ADAMTSL1: variants seen among roughly 807,000 people sequenced by gnomAD.
ADAMTSL1 encodes ADAMTS like 1.
ADAMTSL1 carries 126 observed loss-of-function variants against 201.8 expected under a neutral mutation model. The observed-to-expected ratio is 0.62, with a 90% CI of 0.54 to 0.72. The LOEUF is 0.72. ADAMTSL1 is among the 30% of genes least tolerant of loss of function. The pLI, the probability that ADAMTSL1 is intolerant of heterozygous loss-of-function variation, is 0.00. For synonymous variants in ADAMTSL1, 1,121 were observed against 903.4 expected, an observed-to-expected ratio of 1.24 and a Z score of -4.32; for missense variants, 2,679 against 2,277.8, an observed-to-expected ratio of 1.18 and a Z score of -3.59.
intron 10 of ADAMTSL1, among the ~76,000 whole-genome samples, chr9:18,676,898 C>T (rs1265882548): frequency 2.6e-5 from 4 of 152,058 alleles, no homozygotes; most frequent in African/African-American, 7.2e-5. Context: ...GGTCCCTTGA[C>T]GTCATCTAGT....
At chr9:18,515,056 T>C (rs1449708480) in intron 2 of ADAMTSL1, among the ~76,000 whole-genome samples, 1 of 152,194 alleles carries the variant, frequency 6.6e-6, no homozygotes, top group Non-Finnish European at 1.5e-5. Flanking sequence ...CCTTCTGTTA[T>C]GGAAGTAGTT....
chr9:18,019,587 C>A (rs982326359), intron 1 of ADAMTSL1, among the ~76,000 whole-genome samples: 7 of 152,066 alleles, frequency 4.6e-5, no homozygotes, highest in Admixed American at 3.9e-4. Flanking sequence ...TCAGCCATCT[C>A]AGCAGGAGCC....
intron 1 of ADAMTSL1, among the ~76,000 whole-genome samples, chr9:18,160,099 A>T (rs1014381365): frequency 6.6e-6 from 1 of 151,948 alleles, no homozygotes; most frequent in African/African-American, 2.4e-5. Context: ...GACTTCCTGG[A>T]TCTAATACAA....
intron 1 of ADAMTSL1, among the ~76,000 whole-genome samples, chr9:18,488,271 C>G (rs1295109775): frequency 6.6e-6 from 1 of 152,138 alleles, no homozygotes; most frequent in Non-Finnish European, 1.5e-5. Flanking sequence ...AACCCTCTGC[C>G]CAGGACCTCC....
At chr9:18,652,814 G>A (rs183716427) in intron 7 of ADAMTSL1, among the ~76,000 whole-genome samples, 67 of 152,222 alleles carry the variant, frequency 4.4e-4, no homozygotes, top group African/African-American at 1.4e-3. Flanking sequence ...TCCTTTATCC[G>A]CTGGAGGCTG....
chr9:18,636,063 A>C (rs555633792), intron 6 of ADAMTSL1, 46 bp downstream of exon 6: 3 of 1,427,128 alleles, frequency 2.1e-6, no homozygotes, highest in Non-Finnish European at 2.9e-6. Context: ...AATTGTAGTC[A>C]TTATTATTTA....
intron 23 of ADAMTSL1, among the ~76,000 whole-genome samples, chr9:18,882,374 G>T (rs550963907): frequency 3.3e-5 from 5 of 152,186 alleles, no homozygotes; most frequent in South Asian, 4.2e-4. Context: ...AGGGAGACAC[G>T]CATTTGCCTA....
intron 15 of ADAMTSL1, among the ~76,000 whole-genome samples, chr9:18,744,012 T>C (rs1482828290): frequency 6.6e-6 from 1 of 152,206 alleles, no homozygotes; most frequent in Non-Finnish European, 1.5e-5. Flanking sequence ...ATCCCAACTT[T>C]GGGAAAATCA....
chr9:18,580,510 T>G (rs1169865035), intron 4 of ADAMTSL1, among the ~76,000 whole-genome samples: 2 of 152,172 alleles, frequency 1.3e-5, no homozygotes, highest in African/African-American at 4.8e-5. Flanking sequence ...CTTAAAATAT[T>G]TAATGCATAG....
chr9:18,268,870 T>G (rs1289148065), intron 2 of ADAMTSL1, among the ~76,000 whole-genome samples: 1 of 152,182 alleles, frequency 6.6e-6, no homozygotes, highest in Non-Finnish European at 1.5e-5. Context: ...TTTCTCCTGT[T>G]GTATATAAAA....
intron 2 of ADAMTSL1, among the ~76,000 whole-genome samples, chr9:18,415,627 A>G (rs931837329): frequency 6.6e-6 from 1 of 151,998 alleles, no homozygotes; most frequent in Non-Finnish European, 1.5e-5. Context: ...AGAAAATACT[A>G]TTTGAAGAAA....
chr9:18,429,497 C>G (rs972732134), intron 2 of ADAMTSL1, among the ~76,000 whole-genome samples: 1 of 152,046 alleles, frequency 6.6e-6, no homozygotes. Context: ...GTTTCTAAAC[C>G]AAAACTTTGA....
chr9:18,879,289 T>C (rs549574714), intron 23 of ADAMTSL1, among the ~76,000 whole-genome samples: 1 of 152,194 alleles, frequency 6.6e-6, no homozygotes, highest in Non-Finnish European at 1.5e-5. Context: ...ACTTGCAAAT[T>C]AGAAAACTGA....
intron 1 of ADAMTSL1, among the ~76,000 whole-genome samples, chr9:18,129,021 C>T (rs1243636434): frequency 6.6e-6 from 1 of 152,056 alleles, no homozygotes. Context: ...ATTATGTCTC[C>T]CCCACTTTTC....
At chr9:18,539,134 C>T (rs149261354) in intron 3 of ADAMTSL1, among the ~76,000 whole-genome samples, 1 of 152,286 alleles carries the variant, frequency 6.6e-6, no homozygotes, top group African/African-American at 2.4e-5. Context: ...AGGCATGATG[C>T]TACTTGCCAG....
At chr9:17,952,411 CTTA>C (rs1336910992) in intron 1 of ADAMTSL1, among the ~76,000 whole-genome samples, 1 of 151,862 alleles carries the variant, frequency 6.6e-6, no homozygotes, top group Non-Finnish European at 1.5e-5. Flanking sequence ...AGTTGATTTT[CTTA>C]TTATGGAAAA....
rs1181302568 is a variant in ADAMTSL1, at chr9:18,740,492, T to TG, written c.2007-12806_2007-12805insG. ...TTTTCTTTTATCTTTTTTTTTTTTTTTTTGAGAGGAGTCTCCCTCTGTCAC... is the reference window on the plus strand; with the variant it reads ...TTTTCTTTTATCTTTTTTTTTTTTTTGTTTGAGAGGAGTCTCCCTCTGTCAC... On this transcript the variant is annotated intron_variant, in intron 15 of 28. Transcript: ENST00000380548. Among the ~76,000 whole-genome samples, 490 of 140,500 alleles carry TG rather than the reference T, an allele frequency of 3.5e-3. 14 individuals carry two copies. Among genetic ancestry groups the TG allele is most frequent in the South Asian group, 0.022 (96 of 4,300 alleles). The allele number at this position is 140,500 out of a possible 152,430, so 92.2% of individuals were successfully genotyped here. A position where few individuals can be genotyped will look rare whatever the true frequency, so the allele number is the denominator to read the frequency against.
intron 1 of ADAMTSL1, among the ~76,000 whole-genome samples, chr9:18,128,448 G>A (rs1825824154): frequency 1.3e-5 from 2 of 152,018 alleles, no homozygotes. Flanking sequence ...CTGCAGCCTC[G>A]ACTTCCCAGG....
chr9:18,604,236 C>T (rs1164923646), intron 4 of ADAMTSL1, among the ~76,000 whole-genome samples: 1 of 152,188 alleles, frequency 6.6e-6, no homozygotes. Context: ...CAAGCTGGAA[C>T]GTGCCTGTGA....
Sources: gnomAD v4.1 joint callset for allele counts (sites outside exome capture counted in the v4.1 genomes callset) on GRCh38, gnomAD v4.1.1 for gene constraint, MANE v1.5 for transcripts, NCBI Gene and HGNC (gene_info 2026-07-23, HGNC 2026-07-21) for gene names.